The following PDE8B variants were observed in gnomAD, a reference collection of about 807,000 sequenced individuals.
PDE8B encodes the protein phosphodiesterase 8B.
PDE8B carries 26 observed loss-of-function variants against 101.3 expected under a neutral mutation model. The observed-to-expected ratio is 0.26, with a 90% CI of 0.19 to 0.36. The LOEUF is 0.36. PDE8B is among the 10% of genes least tolerant of loss of function. PDE8B has a pLI of 1.00. For missense variants in PDE8B, 810 were observed against 1,163.1 expected (o/e 0.70, Z 4.42); for synonymous variants, 424 against 429.3 (o/e 0.99, Z 0.15).
chr5:77,338,438 T>TA (rs1042475775), intron 6 of PDE8B, among the ~76,000 whole-genome samples: 2 of 152,130 alleles, frequency 1.3e-5, no homozygotes, highest in Non-Finnish European at 2.9e-5. Context: ...AGAAAAGTAT[T>TA]AAAAAAAGAA....
intron 1 of PDE8B, among the ~76,000 whole-genome samples, chr5:77,281,107 C>T (rs1016792789): frequency 2.0e-5 from 3 of 152,188 alleles, no homozygotes; most frequent in Non-Finnish European, 4.4e-5. Context: ...CGTGGAAGCG[C>T]CACTTCCCTG....
intron 10 of PDE8B, chr5:77,358,525 G>A (rs1782526696): frequency 5.7e-6 from 4 of 704,678 alleles, no homozygotes; most frequent in Non-Finnish European, 7.0e-6. Flanking sequence ...ATGCCCCATA[G>A]ACATCAGGAA....
chr5:77,375,891 T>TTTTTC (rs1786004634), intron 10 of PDE8B, among the ~76,000 whole-genome samples: 1 of 138,688 alleles, frequency 7.2e-6, no homozygotes, highest in Non-Finnish European at 1.6e-5. Flanking sequence ...CTTGATTTCT[T>TTTTTC]TTTTTTTTTT....
intron 16 of PDE8B, 43 bp from the exon 17 acceptor site, chr5:77,413,068 C>A: frequency 1.3e-6 from 2 of 1,508,628 alleles, no homozygotes; most frequent in Non-Finnish European, 1.8e-6. Context: ...AGTTTCTGGG[C>A]CAGTGAATAC....
the PDE8B span, among the ~76,000 whole-genome samples, chr5:77,158,232 C>T: frequency 2.1e-3 from 319 of 152,200 alleles, 2 homozygotes; most frequent in African/African-American, 7.3e-3. Context: ...TGGAAGACAA[C>T]GTGTGGGGAG....
chr5:77,180,993 TG>T, the PDE8B span, among the ~76,000 whole-genome samples: 1 of 151,548 alleles, frequency 6.6e-6, no homozygotes, highest in South Asian at 2.1e-4. Flanking sequence ...TGTGTGTGTG[TG>T]TGTGTGTTTG....
chr5:77,158,170 A>G, the PDE8B span, among the ~76,000 whole-genome samples: 3 of 152,228 alleles, frequency 2.0e-5, no homozygotes, highest in Non-Finnish European at 4.4e-5. Context: ...CTGAGCCACT[A>G]GGCTAGATTG....
At chr5:77,394,742 T>C (rs928690062) in intron 10 of PDE8B, among the ~76,000 whole-genome samples, 1 of 152,166 alleles carries the variant, frequency 6.6e-6, no homozygotes, top group South Asian at 2.1e-4. Flanking sequence ...CATTTCAACT[T>C]TCATAATTCC....
intron 1 of PDE8B, among the ~76,000 whole-genome samples, chr5:77,280,697 C>A (rs1217043354): frequency 6.6e-6 from 1 of 152,094 alleles, no homozygotes; most frequent in East Asian, 1.9e-4. Flanking sequence ...AATTTGAGAC[C>A]AGCCTGACCA....
intron 20 of PDE8B, 71 bp from the exon 21 acceptor site, chr5:77,425,696 T>C: frequency 5.3e-6 from 8 of 1,518,668 alleles, no homozygotes; most frequent in South Asian, 3.4e-5. Context: ...AGGGTTGTTC[T>C]GAGAAACAGG....
At chr5:77,191,445 C>T in the PDE8B span, among the ~76,000 whole-genome samples, 27 of 152,078 alleles carry the variant, frequency 1.8e-4, no homozygotes, top group African/African-American at 3.1e-4. Flanking sequence ...CTCCGCCTCC[C>T]GGGTTCATGC....
At chr5:77,204,050 GTT>G in the PDE8B span, among the ~76,000 whole-genome samples, 112 of 113,584 alleles carry the variant, frequency 9.9e-4, no homozygotes, top group African/African-American at 2.9e-3. Context: ...TGTACCCTTA[GTT>G]TTTTTTTTTT....
intron 10 of PDE8B, among the ~76,000 whole-genome samples, chr5:77,366,016 A>C (rs1238734748): frequency 1.3e-5 from 2 of 152,034 alleles, no homozygotes; most frequent in Non-Finnish European, 2.9e-5. Flanking sequence ...TTCATTCCAC[A>C]GTCTACACCC....
At chr5:77,181,987 G>A in the PDE8B span, among the ~76,000 whole-genome samples, 9 of 152,072 alleles carry the variant, frequency 5.9e-5, no homozygotes, top group Non-Finnish European at 1.5e-5. Flanking sequence ...TAGAGGTTCG[G>A]TTTTCCAAGA....
At chr5:77,109,523 C>T in the PDE8B span, among the ~76,000 whole-genome samples, 1 of 152,214 alleles carries the variant, frequency 6.6e-6, no homozygotes, top group Admixed American at 6.5e-5. Context: ...AGTTAAATTG[C>T]AGAGGGCAGA....
At position 77,315,590 on chromosome 5, in the gene PDE8B, A is replaced by G. The variant is rs779695469; in HGVS notation, c.399+3537A>G. ...GGTCCTATTTACATGAATTACTTCA[A>G]TTTCATTAATCGTGCTATTCAAACC... On this transcript the variant is annotated intron_variant, in intron 2 of 21. Transcript: ENST00000264917. 1.2e-4 allele frequency among the ~76,000 whole-genome samples: 18 copies of G among 152,210 alleles called. 1 individual carries two copies. The highest frequency in any genetic ancestry group is 2.4e-4 in the Non-Finnish European group (16 of 68,026).
chr5:77,151,025 G>A, the PDE8B span, among the ~76,000 whole-genome samples: 1 of 152,232 alleles, frequency 6.6e-6, no homozygotes, highest in Non-Finnish European at 1.5e-5. Flanking sequence ...AATGCAGTGT[G>A]TGGCAGAGAT....
chr5:77,334,126 A>G (rs1246039876), intron 5 of PDE8B, among the ~76,000 whole-genome samples: 1 of 152,220 alleles, frequency 6.6e-6, no homozygotes, highest in Non-Finnish European at 1.5e-5. Flanking sequence ...CTCTCTTCCC[A>G]AGCACCTTTT....
chr5:77,247,991 C>T (rs374863145), intron 1 of PDE8B, among the ~76,000 whole-genome samples: 3 of 152,280 alleles, frequency 2.0e-5, no homozygotes, highest in East Asian at 3.9e-4. Context: ...GCACTTCACC[C>T]GCATGGTGGT....
Sources: gnomAD v4.1 joint callset for allele counts (sites outside exome capture counted in the v4.1 genomes callset) on GRCh38, gnomAD v4.1.1 for gene constraint, MANE v1.5 for transcripts, NCBI Gene and HGNC (gene_info 2026-07-23, HGNC 2026-07-21) for gene names.